Variants in TAFA4 observed in about 807,000 individuals in gnomAD.
The protein encoded by TAFA4 is chemokine-like protein TAFA-4.
A neutral mutation model predicts 21.1 loss-of-function variants in TAFA4; 20 were observed. The ratio of observed to expected loss-of-function variants is 0.95; its 90% CI spans 0.67 to 1.38. The LOEUF is 1.38. Among genes scored for constraint, TAFA4 ranks in the 40% most tolerant of loss-of-function variants. The probability of loss-of-function intolerance (pLI) is 0.00; values close to 1 mark genes in which losing one functional copy is unlikely to be tolerated. For synonymous variants in TAFA4, 71 were observed against 67.4 expected (o/e 1.05, Z -0.26); for missense variants, 211 against 180.9 (o/e 1.17, Z -0.95).
intron 3 of TAFA4, among the ~76,000 whole-genome samples, chr3:68,777,280 T>C (rs1703065767): frequency 6.6e-6 from 1 of 152,062 alleles, no homozygotes; most frequent in African/African-American, 2.4e-5. Flanking sequence ...CATAAGGCAG[T>C]ATATTATTTG....
chr3:68,739,331 A>C (rs1559754370), intron 4 of TAFA4, 132 bp from the exon 5 acceptor site: 3 of 1,104,680 alleles, frequency 2.7e-6, no homozygotes, highest in African/African-American at 1.6e-5. Context: ...AAATTGAAGG[A>C]ATCCAATCAG....
intron 3 of TAFA4, among the ~76,000 whole-genome samples, chr3:68,781,931 C>A (rs1703161182): frequency 6.6e-6 from 1 of 152,160 alleles, no homozygotes; most frequent in Admixed American, 6.5e-5. Context: ...ATCTTCATGA[C>A]TTTCGATTTA....
chr3:68,789,495 A>G (rs1342315225), intron 3 of TAFA4, among the ~76,000 whole-genome samples: 1 of 152,174 alleles, frequency 6.6e-6, no homozygotes, highest in Non-Finnish European at 1.5e-5. Context: ...ATCATTTCAC[A>G]ATGTATATGT....
intron 3 of TAFA4, among the ~76,000 whole-genome samples, chr3:68,764,644 G>C (rs1365854869): frequency 6.6e-6 from 1 of 152,102 alleles, no homozygotes; most frequent in Non-Finnish European, 1.5e-5. Context: ...GAAATATCAT[G>C]ACTCTCATCC....
At chr3:68,835,983 A>T (rs1284660722) in intron 3 of TAFA4, among the ~76,000 whole-genome samples, 1 of 152,224 alleles carries the variant, frequency 6.6e-6, no homozygotes, top group Non-Finnish European at 1.5e-5. Context: ...AACTGTGCGC[A>T]AATTACAGTG....
intron 3 of TAFA4, among the ~76,000 whole-genome samples, chr3:68,876,062 A>G (rs1427492480): frequency 6.6e-6 from 1 of 152,238 alleles, no homozygotes; most frequent in Non-Finnish European, 1.5e-5. Flanking sequence ...AAAAAGCAAC[A>G]TTAAGACCTA....
At chr3:68,865,354 G>A (rs1176339116) in intron 3 of TAFA4, among the ~76,000 whole-genome samples, 1 of 151,738 alleles carries the variant, frequency 6.6e-6, no homozygotes, top group African/African-American at 2.4e-5. Flanking sequence ...ATCCTGAATT[G>A]TAGTTCCCAT....
chr3:68,816,280 C>T (rs879765718), intron 3 of TAFA4, among the ~76,000 whole-genome samples: 6 of 151,972 alleles, frequency 3.9e-5, no homozygotes, highest in Non-Finnish European at 5.9e-5. Flanking sequence ...CAAACCTGCA[C>T]GTTGTGCACA....
At chr3:68,784,459 G>A (rs1703212215) in intron 3 of TAFA4, among the ~76,000 whole-genome samples, 1 of 151,968 alleles carries the variant, frequency 6.6e-6, no homozygotes, top group Non-Finnish European at 1.5e-5. Flanking sequence ...GGTAAAGCTG[G>A]CTCAGGAGTG....
intron 5 of TAFA4, among the ~76,000 whole-genome samples, chr3:68,735,815 T>TATACTATTCTTC (rs1702232412): frequency 6.6e-6 from 1 of 152,140 alleles, no homozygotes; most frequent in South Asian, 2.1e-4. Flanking sequence ...TACTATTCTT[T>TATACTATTCTTC]AAAGCAGCTT....
At chr3:68,896,824 A>G (rs1330293458) in intron 1 of TAFA4, among the ~76,000 whole-genome samples, 2 of 152,214 alleles carry the variant, frequency 1.3e-5, no homozygotes, top group African/African-American at 4.8e-5. Context: ...AAAACTACCG[A>G]ACTAACTATA....
At chr3:68,832,843 C>T (rs1368986340) in intron 3 of TAFA4, among the ~76,000 whole-genome samples, 3 of 152,226 alleles carry the variant, frequency 2.0e-5, no homozygotes, top group Non-Finnish European at 4.4e-5. Context: ...GGGCTCTGCC[C>T]AGTTCAAGCT....
intron 3 of TAFA4, among the ~76,000 whole-genome samples, chr3:68,782,173 C>A (rs1703165269): frequency 6.6e-6 from 1 of 151,992 alleles, no homozygotes; most frequent in South Asian, 2.1e-4. Flanking sequence ...GGACAAACAA[C>A]CCAACTTATA....
chr3:68,869,501 T>C (rs1410233467), intron 3 of TAFA4, among the ~76,000 whole-genome samples: 2 of 151,890 alleles, frequency 1.3e-5, no homozygotes, highest in Admixed American at 6.6e-5. Context: ...AATAAAAAGA[T>C]CATTCACCAT....
intron 3 of TAFA4, among the ~76,000 whole-genome samples, chr3:68,811,965 C>T (rs13099380): frequency 0.26 from 39,025 of 151,978 alleles, 6,388 homozygotes; most frequent in East Asian, 0.85. Context: ...ATCAGACTAA[C>T]AGCGGATCTC....
chr3:68,920,798 G>A (rs1452383576), intron 1 of TAFA4, among the ~76,000 whole-genome samples: 1 of 152,058 alleles, frequency 6.6e-6, no homozygotes, highest in Non-Finnish European at 1.5e-5. Flanking sequence ...CCAGCAGACA[G>A]TACCACCCAC....
intron 2 of TAFA4, among the ~76,000 whole-genome samples, chr3:68,883,598 A>G (rs1417526508): frequency 6.6e-6 from 1 of 152,248 alleles, no homozygotes; most frequent in Non-Finnish European, 1.5e-5. Flanking sequence ...TGTTGGCAAT[A>G]ATTGAATGAA....
intron 3 of TAFA4, among the ~76,000 whole-genome samples, chr3:68,829,271 C>A (rs1263936272): frequency 6.6e-6 from 1 of 152,124 alleles, no homozygotes; most frequent in Non-Finnish European, 1.5e-5. Flanking sequence ...TGATCTTTGA[C>A]AAACCTGACA....
chr3:68,930,542 G>C (rs2090150050), intron 1 of TAFA4, among the ~76,000 whole-genome samples: 1 of 152,182 alleles, frequency 6.6e-6, no homozygotes, highest in South Asian at 2.1e-4. Context: ...TGAGACAGAA[G>C]AACTTAGGAA....
Sources: allele counts gnomAD v4.1 joint callset (sites outside exome capture counted in the v4.1 genomes callset), GRCh38; gene constraint gnomAD v4.1.1; transcripts MANE v1.5; gene names NCBI Gene and HGNC (gene_info 2026-07-23, HGNC 2026-07-21).